Variants in DPY30 observed in about 807,000 individuals in gnomAD.
The protein encoded by DPY30 is dpy-30 histone methyltransferase complex regulatory subunit.
A neutral mutation model predicts 16.2 loss-of-function variants in DPY30; 6 were observed. That is an observed-to-expected ratio of 0.37 (90% CI 0.20 to 0.73). The LOEUF is 0.73. DPY30 is among the 30% of genes least tolerant of loss of function. The pLI, the probability that DPY30 is intolerant of heterozygous loss-of-function variation, is 0.51. For missense variants in DPY30, 73 were observed against 113.1 expected (o/e 0.65, Z 1.61); for synonymous variants, 39 against 38.8 (o/e 1.00, Z -0.02).
At chr2:32,025,355 C>T (rs1245386692) in intron 4 of DPY30, among the ~76,000 whole-genome samples, 1 of 152,026 alleles carries the variant, frequency 6.6e-6, no homozygotes, top group African/African-American at 2.4e-5. Context: ...CCCAGCTACT[C>T]AGAAAGCTGA....
intron 5 of DPY30, among the ~76,000 whole-genome samples, chr2:32,015,920 T>G (rs1675056493): frequency 6.6e-6 from 1 of 151,054 alleles, no homozygotes. Context: ...TGAGACAGAG[T>G]CTTGCTCTGT....
intron 3 of DPY30, among the ~76,000 whole-genome samples, chr2:32,031,870 G>C (rs547251420): frequency 6.6e-6 from 1 of 151,774 alleles, no homozygotes; most frequent in East Asian, 1.9e-4. Context: ...TCCAGCCTGG[G>C]TGACAGAGCG....
At chr2:32,038,642 T>C (rs1675844285) in intron 3 of DPY30, among the ~76,000 whole-genome samples, 1 of 139,060 alleles carries the variant, frequency 7.2e-6, no homozygotes, top group Non-Finnish European at 1.5e-5. Context: ...TAATTTTATT[T>C]TTTACTTTTT....
chr2:32,029,551 T>C, intron 4 of DPY30, 43 bp downstream of exon 4: 1 of 1,602,112 alleles, frequency 6.2e-7, no homozygotes, highest in Non-Finnish European at 8.5e-7. Context: ...GGAATCTATT[T>C]TGCTTTCTTT....
At chr2:32,028,727 G>A (rs1675424330) in intron 4 of DPY30, among the ~76,000 whole-genome samples, 1 of 152,150 alleles carries the variant, frequency 6.6e-6, no homozygotes, top group South Asian at 2.1e-4. Flanking sequence ...TGAGGTGGAG[G>A]TTGCAGTGAG....
At chr2:32,015,969 A>G (rs1384126583) in intron 5 of DPY30, among the ~76,000 whole-genome samples, 1 of 151,712 alleles carries the variant, frequency 6.6e-6, no homozygotes, top group Non-Finnish European at 1.5e-5. Context: ...GGCTCACTGC[A>G]GCCTCCACCG....
chr2:32,020,368 G>A (rs141992831), downstream of DPY30, among the ~76,000 whole-genome samples: 1 of 152,184 alleles, frequency 6.6e-6, no homozygotes, highest in East Asian at 1.9e-4. Context: ...AAAAAAATTA[G>A]CCAGGCTCAG....
chr2:32,033,012 C>G (rs1344132668), intron 3 of DPY30, among the ~76,000 whole-genome samples: 1 of 147,008 alleles, frequency 6.8e-6, no homozygotes, highest in East Asian at 2.0e-4. Context: ...ATAATAATAA[C>G]TTTTTTTTTA....
At chr2:32,023,845 A>G (rs1183993547), downstream of DPY30, 4 of 1,311,030 alleles carry the variant, frequency 3.1e-6, no homozygotes, top group African/African-American at 4.5e-5. Context: ...AGAGAAATTC[A>G]TAAAACAATT....
At chr2:32,011,851 C>G (rs1321653387), downstream of DPY30, 3 of 152,230 alleles carry the variant, frequency 2.0e-5, no homozygotes, top group East Asian at 1.9e-4. Flanking sequence ...GCCAGGAGTT[C>G]TAGACCAGCC....
intron 5 of DPY30, chr2:32,013,239 G>T (rs1027322499): frequency 6.6e-6 from 1 of 152,108 alleles, no homozygotes; most frequent in South Asian, 2.1e-4. Flanking sequence ...TCTACTCCTA[G>T]CAACAATCGT....
At chr2:32,029,869 A>C in intron 3 of DPY30, 133 bp from the exon 4 acceptor site, 1 of 904,150 alleles carries the variant, frequency 1.1e-6, no homozygotes, top group East Asian at 2.6e-5. Flanking sequence ...ACTAGACCAC[A>C]AACTTCTCTG....
chr2:32,022,508 G>GT (rs941589478), downstream of DPY30, among the ~76,000 whole-genome samples: 6 of 129,246 alleles, frequency 4.6e-5, no homozygotes, highest in East Asian at 7.7e-4. Flanking sequence ...ATGTATTTAT[G>GT]TATTTTTTTT....
At chr2:32,026,796 A>C (rs896250198) in intron 4 of DPY30, among the ~76,000 whole-genome samples, 1 of 152,046 alleles carries the variant, frequency 6.6e-6, no homozygotes, top group African/African-American at 2.4e-5. Context: ...GCAACACAGC[A>C]AAACTCCGTC....
chr2:32,019,971 TATA>T (rs1293458343), downstream of DPY30, among the ~76,000 whole-genome samples: 2 of 150,424 alleles, frequency 1.3e-5, no homozygotes, highest in Non-Finnish European at 3.0e-5. Flanking sequence ...CATATATATA[TATA>T]ATGTTAAGAT....
chr2:32,014,284 A>C (rs1675022225), intron 5 of DPY30, among the ~76,000 whole-genome samples: 1 of 152,200 alleles, frequency 6.6e-6, no homozygotes, highest in Non-Finnish European at 1.5e-5. Context: ...GGAGTTCGAG[A>C]CCAGCCTGGA....
chr2:32,015,280 AAC>A (rs1298217676), intron 5 of DPY30, among the ~76,000 whole-genome samples: 1 of 152,180 alleles, frequency 6.6e-6, no homozygotes, highest in Non-Finnish European at 1.5e-5. Context: ...AGAAGAGTTT[AAC>A]ACAGAGAGGG....
intron 5 of DPY30, among the ~76,000 whole-genome samples, chr2:32,017,512 G>T (rs1462305850): frequency 6.6e-6 from 1 of 151,836 alleles, no homozygotes; most frequent in East Asian, 1.9e-4. Flanking sequence ...AGCTACTTGG[G>T]AGGCTGAGGC....
At chr2:32,025,279 A>T (rs1374597422) in intron 4 of DPY30, among the ~76,000 whole-genome samples, 1 of 152,044 alleles carries the variant, frequency 6.6e-6, no homozygotes, top group East Asian at 1.9e-4. Flanking sequence ...CCTGACCAAC[A>T]TGGTGAAACT....
Sources: gnomAD v4.1 joint callset for allele counts (sites outside exome capture counted in the v4.1 genomes callset) on GRCh38, gnomAD v4.1.1 for gene constraint, MANE v1.5 for transcripts, NCBI Gene and HGNC (gene_info 2026-07-23, HGNC 2026-07-21) for gene names.